Variants in TPD52 observed in about 807,000 individuals in gnomAD.
TPD52 encodes the protein prostate and colon associated protein.
TPD52 carries 17 observed loss-of-function variants against 31.3 expected under a neutral mutation model. That is an observed-to-expected ratio of 0.54 (90% CI 0.37 to 0.82). TPD52 has a LOEUF of 0.82. Among genes scored for constraint, TPD52 ranks in the 40% least tolerant of loss-of-function variants. TPD52 has a pLI of 0.00. For missense variants in TPD52, 212 were observed against 240.1 expected (o/e 0.88, Z 0.77); for synonymous variants, 83 against 89.6 (o/e 0.93, Z 0.42).
Position 80,044,221 on chromosome 8 carries a change from A to T in TPD52, c.414-13T>A. ...AATGGAACGTATACTAAGAGGCAGC[A>T]TTAAAAAGAGATAGAAATAAGGTTA... On this transcript the variant is annotated splice_polypyrimidine_tract_variant and intron_variant, in intron 5 of 7. Transcript: ENST00000518937. 1 of 1,571,682 alleles carries T rather than the reference A, an allele frequency of 6.4e-7. No homozygotes were observed. Among genetic ancestry groups the T allele is most frequent in the Non-Finnish European group, 8.6e-7 (1 of 1,164,152 alleles).
At chr8:80,079,498 T>C in intron 1 of TPD52, among the ~76,000 whole-genome samples, 1 of 152,196 alleles carries the variant, frequency 6.6e-6, no homozygotes, top group South Asian at 2.1e-4. Flanking sequence ...CTTTACCATG[T>C]TTTTTTCTAG....
At chr8:80,045,414 T>C (rs930812428) in intron 5 of TPD52, among the ~76,000 whole-genome samples, 1 of 152,038 alleles carries the variant, frequency 6.6e-6, no homozygotes, top group African/African-American at 2.4e-5. Context: ...ACTGCTAACC[T>C]CCCAGTGGCC....
chr8:80,128,893 T>C (rs1235912140), intron 1 of TPD52, among the ~76,000 whole-genome samples: 2 of 151,894 alleles, frequency 1.3e-5, no homozygotes, highest in Admixed American at 6.6e-5. Context: ...GTTTTTTTTT[T>C]CAGGAAGAAA....
At chr8:80,045,946 G>A (rs950320477) in intron 5 of TPD52, among the ~76,000 whole-genome samples, 5 of 152,034 alleles carry the variant, frequency 3.3e-5, no homozygotes, top group African/African-American at 1.2e-4. Context: ...TCCTTGTCCC[G>A]GGGACCCACA....
At chr8:80,096,544 G>A (rs1816760102) in intron 1 of TPD52, among the ~76,000 whole-genome samples, 2 of 152,090 alleles carry the variant, frequency 1.3e-5, no homozygotes, top group South Asian at 4.1e-4. Context: ...ATCTATTAGT[G>A]CCATTATTCC....
At chr8:80,148,733 C>T (rs1226663696) in intron 1 of TPD52, among the ~76,000 whole-genome samples, 1 of 152,068 alleles carries the variant, frequency 6.6e-6, no homozygotes, top group African/African-American at 2.4e-5. Context: ...AAGCTTTATT[C>T]TCTTGGATTC....
intron 1 of TPD52, among the ~76,000 whole-genome samples, chr8:80,164,611 T>C (rs1057512483): frequency 1.3e-5 from 2 of 152,168 alleles, no homozygotes; most frequent in Non-Finnish European, 2.9e-5. Context: ...AGGCTGGGTA[T>C]GGTGGCCCAC....
At chr8:80,114,254 A>C (rs1459669083) in intron 1 of TPD52, among the ~76,000 whole-genome samples, 1 of 152,000 alleles carries the variant, frequency 6.6e-6, no homozygotes, top group East Asian at 1.9e-4. Flanking sequence ...ATAAAATAAA[A>C]TCACAACTCT....
At chr8:80,171,131 C>T in intron 1 of TPD52, 1 of 681,000 alleles carries the variant, frequency 1.5e-6, no homozygotes, top group Non-Finnish European at 2.7e-6. Flanking sequence ...CGCATCACGG[C>T]CGCCAGCCCC....
intron 1 of TPD52, among the ~76,000 whole-genome samples, chr8:80,155,635 G>A (rs973416837): frequency 6.6e-6 from 1 of 152,182 alleles, no homozygotes; most frequent in African/African-American, 2.4e-5. Context: ...TGTAATCTCA[G>A]CACTTTGAGA....
intron 1 of TPD52, among the ~76,000 whole-genome samples, chr8:80,095,971 A>ACATACTG (rs1169161932): frequency 6.3e-5 from 7 of 111,318 alleles, no homozygotes; most frequent in Non-Finnish European, 1.1e-4. Context: ...CATACATACT[A>ACATACTG]TCGGCCAGGC....
At chr8:80,095,172 T>G (rs1429250591) in intron 1 of TPD52, among the ~76,000 whole-genome samples, 1 of 152,002 alleles carries the variant, frequency 6.6e-6, no homozygotes, top group Non-Finnish European at 1.5e-5. Flanking sequence ...ATCCAGACAG[T>G]GGAATATTAT....
In TPD52 at chr8:80,061,795, A is replaced by G. The variant is rs186033424; in HGVS notation, c.135+2683T>C. Among the ~76,000 whole-genome samples the G allele has an allele frequency of 8.5e-4, 130 of 152,308 alleles. 3 individuals are homozygous for G. The South Asian group carries it at 0.011, about 13-fold the overall frequency. ...TACATAATAGCAATAAACCACCTGA[A>G]AAGAAAATTTAAAAAAAATCCATTT... On this transcript the variant is annotated intron_variant, in intron 2 of 7. Coordinates refer to ENST00000518937, the MANE Select transcript of TPD52 (RefSeq NM_001025253.3).
chr8:80,072,748 T>C (rs1420752985), intron 1 of TPD52, among the ~76,000 whole-genome samples: 2 of 150,302 alleles, frequency 1.3e-5, no homozygotes, highest in East Asian at 3.9e-4. Context: ...TACACACACA[T>C]ATATACATAT....
At chr8:80,126,510 C>A (rs943713970) in intron 1 of TPD52, among the ~76,000 whole-genome samples, 3 of 131,320 alleles carry the variant, frequency 2.3e-5, no homozygotes, top group African/African-American at 8.7e-5. Context: ...GAGACAGGGT[C>A]TCACTCTGTT....
chr8:80,107,670 C>T (rs1807229319), intron 1 of TPD52, among the ~76,000 whole-genome samples: 1 of 151,944 alleles, frequency 6.6e-6, no homozygotes, highest in Admixed American at 6.5e-5. Flanking sequence ...GAGATCTATT[C>T]AAATTGGTTT....
chr8:80,049,807 C>A (rs757967299), intron 5 of TPD52, among the ~76,000 whole-genome samples: 50 of 152,242 alleles, frequency 3.3e-4, no homozygotes, highest in Non-Finnish European at 5.3e-4. Flanking sequence ...GCTTAATATT[C>A]TTTTCCCTTT....
chr8:80,079,150 G>A (rs1443060929), intron 1 of TPD52, among the ~76,000 whole-genome samples: 1 of 152,152 alleles, frequency 6.6e-6, no homozygotes, highest in African/African-American at 2.4e-5. Context: ...AAATTTATAA[G>A]TTAGAAGGGG....
rs57456374 is a variant in TPD52, at chr8:80,152,780, C to CAAAAAAAAAAAAAA, written c.19+18631_19+18644dup. Among the ~76,000 whole-genome samples the CAAAAAAAAAAAAAA allele has an allele frequency of 1.9e-3, 161 of 83,468 alleles. 6 individuals are homozygous for CAAAAAAAAAAAAAA. The highest frequency in any genetic ancestry group is 3.1e-3 in the African/African-American group (60 of 19,412). 54.8% of individuals were successfully genotyped at this position (83,468 alleles called of 152,430 possible). On this transcript the variant is annotated intron_variant, in intron 1 of 7. Coordinates refer to ENST00000518937, the MANE Select transcript of TPD52 (RefSeq NM_001025253.3). ...TGGGCGAAAGTGTGAGACTCCGTCTCAAAAAAAAAAAAAAAAAATGCCAGG... is the reference window on the plus strand; with the variant it reads ...TGGGCGAAAGTGTGAGACTCCGTCTCAAAAAAAAAAAAAAAAAAAAAAAAAAAAAAAATGCCAGG...
Sources: gnomAD v4.1 joint callset for allele counts (sites outside exome capture counted in the v4.1 genomes callset) on GRCh38, gnomAD v4.1.1 for gene constraint, MANE v1.5 for transcripts, NCBI Gene and HGNC (gene_info 2026-07-23, HGNC 2026-07-21) for gene names.